ATG10: variants seen among roughly 807,000 people sequenced by gnomAD.
The protein encoded by ATG10 is ubiquitin-like-conjugating enzyme ATG10.
ATG10 carries 30 observed loss-of-function variants against 32.1 expected under a neutral mutation model. The observed-to-expected ratio is 0.94, with a 90% confidence interval of 0.70 to 1.27. ATG10 has a LOEUF of 1.27. Ranked by LOEUF, ATG10 falls within the 50% of genes most tolerant of loss-of-function variation. ATG10 has a pLI of 0.00. For missense variants in ATG10, 233 were observed against 262.3 expected (o/e 0.89, Z 0.77); for synonymous variants, 87 against 91.5 (o/e 0.95, Z 0.28).
At chr5:82,169,933 A>C (rs1281933448) in intron 4 of ATG10, among the ~76,000 whole-genome samples, 1 of 152,246 alleles carries the variant, frequency 6.6e-6, no homozygotes, top group Non-Finnish European at 1.5e-5. Context: ...TAGAAGTCAC[A>C]TGCTGGGTTA....
chr5:82,039,288 T>C (rs1019429333), intron 2 of ATG10, among the ~76,000 whole-genome samples: 1 of 152,250 alleles, frequency 6.6e-6, no homozygotes, highest in Non-Finnish European at 1.5e-5. Flanking sequence ...TGAGTCACTT[T>C]ATTTCTGCTT....
chr5:82,053,883 C>T (rs781438278), intron 2 of ATG10, among the ~76,000 whole-genome samples: 1 of 152,102 alleles, frequency 6.6e-6, no homozygotes, highest in Non-Finnish European at 1.5e-5. Context: ...ATTAGTTTTT[C>T]GGGCAGTAGT....
At chr5:82,108,273 A>C (rs1765501387) in intron 3 of ATG10, among the ~76,000 whole-genome samples, 1 of 152,030 alleles carries the variant, frequency 6.6e-6, no homozygotes, top group Non-Finnish European at 1.5e-5. Flanking sequence ...GATAATAATA[A>C]GAGTAATGGT....
At chr5:82,083,706 C>G (rs1234009458) in intron 3 of ATG10, among the ~76,000 whole-genome samples, 1 of 152,178 alleles carries the variant, frequency 6.6e-6, no homozygotes, top group East Asian at 1.9e-4. Context: ...CACTGCCAGG[C>G]CAACAGGGTC....
chr5:82,254,899 A>AGTGTGAGTGT lies in ATG10; in HGVS notation c.*841_*842insAGTGTGTGTG, dbSNP rs1554061506. 13 of 149,644 alleles carry AGTGTGAGTGT rather than the reference A, an allele frequency of 8.7e-5. No individual in the cohort carries two copies. The highest frequency in any genetic ancestry group is 1.6e-4 in the Non-Finnish European group (11 of 67,462). 9.3% of individuals were successfully genotyped at this position (149,644 alleles called of 1,614,324 possible). On this transcript the variant is annotated 3_prime_UTR_variant, in exon 8 of 8. Coordinates refer to ENST00000282185, the MANE Select transcript of ATG10 (RefSeq NM_031482.5). ...AAAAGAGAGAGAGAGAGTGAGTGTG[A>AGTGTGAGTGT]GTGTGTGTGTGTGTGTGTGTGTATG...
intron 2 of ATG10, among the ~76,000 whole-genome samples, chr5:82,053,857 G>A (rs1763504112): frequency 6.6e-6 from 1 of 152,158 alleles, no homozygotes; most frequent in African/African-American, 2.4e-5. Context: ...GGTCAAGACT[G>A]GCCAAGTTGC....
chr5:82,213,016 A>T (rs1466278026), intron 5 of ATG10, among the ~76,000 whole-genome samples: 1 of 152,216 alleles, frequency 6.6e-6, no homozygotes, highest in African/African-American at 2.4e-5. Flanking sequence ...CAGGTAGTCC[A>T]AATAGGATTG....
chr5:82,227,956 A>G (rs1746199605), intron 5 of ATG10, among the ~76,000 whole-genome samples: 1 of 152,220 alleles, frequency 6.6e-6, no homozygotes, highest in Non-Finnish European at 1.5e-5. Flanking sequence ...CTGTAATCCC[A>G]GCACTTTGAG....
chr5:82,170,469 A>G (rs1328732716), intron 4 of ATG10, among the ~76,000 whole-genome samples: 1 of 152,214 alleles, frequency 6.6e-6, no homozygotes, highest in Non-Finnish European at 1.5e-5. Context: ...ACTGCATTCC[A>G]TGAGAAGGAG....
chr5:82,131,020 A>AT (rs1199283146), intron 3 of ATG10, among the ~76,000 whole-genome samples: 1 of 152,134 alleles, frequency 6.6e-6, no homozygotes, highest in African/African-American at 2.4e-5. Flanking sequence ...GGAGCTAAGC[A>AT]TCGAACACAC....
chr5:82,013,711 G>GT (rs1762196608), intron 2 of ATG10, among the ~76,000 whole-genome samples: 1 of 151,860 alleles, frequency 6.6e-6, no homozygotes, highest in African/African-American at 2.4e-5. Context: ...CAGGAGTGAG[G>GT]TGGTATTGCA....
At chr5:82,061,498 AC>A (rs1207236921) in intron 3 of ATG10, among the ~76,000 whole-genome samples, 1 of 151,692 alleles carries the variant, frequency 6.6e-6, no homozygotes. Flanking sequence ...TAGACTGTAA[AC>A]CCCATGGAGG....
chr5:82,038,836 A>G (rs1174999637), intron 2 of ATG10, among the ~76,000 whole-genome samples: 1 of 152,118 alleles, frequency 6.6e-6, no homozygotes, highest in South Asian at 2.1e-4. Flanking sequence ...CTCTCTTCCT[A>G]TATAAGTGAT....
intron 5 of ATG10, among the ~76,000 whole-genome samples, chr5:82,238,546 G>A (rs550928574): frequency 6.6e-6 from 1 of 152,106 alleles, no homozygotes; most frequent in Admixed American, 6.6e-5. Context: ...GCTGTTTTAT[G>A]TATTTCTAGT....
intron 2 of ATG10, among the ~76,000 whole-genome samples, chr5:82,003,872 G>A (rs1437272955): frequency 6.6e-6 from 1 of 152,198 alleles, no homozygotes; most frequent in Non-Finnish European, 1.5e-5. Context: ...GGGAATGGTG[G>A]CTCATGCCTG....
intron 2 of ATG10, among the ~76,000 whole-genome samples, chr5:82,020,110 G>A (rs1175835180): frequency 1.3e-5 from 2 of 152,218 alleles, no homozygotes; most frequent in Admixed American, 1.3e-4. Flanking sequence ...TGTCACAGAA[G>A]CAACAGCAAA....
chr5:82,246,669 T>C (rs1029297660), intron 5 of ATG10, among the ~76,000 whole-genome samples: 2 of 152,154 alleles, frequency 1.3e-5, no homozygotes, highest in African/African-American at 4.8e-5. Flanking sequence ...CACTAGAGTG[T>C]TCATGATTTT....
intron 1 of ATG10, among the ~76,000 whole-genome samples, chr5:81,982,363 T>C (rs939721417): frequency 6.6e-6 from 1 of 152,098 alleles, no homozygotes; most frequent in Non-Finnish European, 1.5e-5. Flanking sequence ...CTACTTGGGA[T>C]GCTGAGTCAG....
At chr5:82,221,628 T>A (rs1371293254) in intron 5 of ATG10, among the ~76,000 whole-genome samples, 1 of 152,110 alleles carries the variant, frequency 6.6e-6, no homozygotes, top group Non-Finnish European at 1.5e-5. Flanking sequence ...GACCATTTGA[T>A]AGGACTCCGA....
Sources: allele counts gnomAD v4.1 joint callset (sites outside exome capture counted in the v4.1 genomes callset), GRCh38; gene constraint gnomAD v4.1.1; transcripts MANE v1.5; gene names NCBI Gene and HGNC (gene_info 2026-07-23, HGNC 2026-07-21).